SMYD3: variants seen among roughly 807,000 people sequenced by gnomAD.
The protein encoded by SMYD3 is histone-lysine N-methyltransferase SMYD3.
A neutral mutation model predicts 57.7 loss-of-function variants in SMYD3; 36 were observed. The observed-to-expected ratio is 0.62, with a 90% CI of 0.48 to 0.82. The LOEUF (loss-of-function observed/expected upper bound fraction) is 0.82, where lower values mean the gene tolerates loss of function less well. Among genes scored for constraint, SMYD3 ranks in the 40% least tolerant of loss-of-function variants. The pLI is 0.00. For synonymous variants in SMYD3, 211 were observed against 195.0 expected (o/e 1.08, Z -0.68); for missense variants, 515 against 538.8 (o/e 0.96, Z 0.44).
intron 5 of SMYD3, among the ~76,000 whole-genome samples, chr1:246,123,437 G>T (rs1340595823): frequency 6.6e-6 from 1 of 151,952 alleles, no homozygotes; most frequent in Non-Finnish European, 1.5e-5. Flanking sequence ...CATGGTGGTG[G>T]GCACCTGTAG....
intron 10 of SMYD3, among the ~76,000 whole-genome samples, chr1:245,804,905 G>A (rs1309983921): frequency 6.6e-6 from 1 of 152,152 alleles, no homozygotes; most frequent in East Asian, 1.9e-4. Flanking sequence ...CCAGTCTGTG[G>A]TATTTTGTTG....
chr1:245,798,116 T>C (rs996253733), intron 10 of SMYD3, among the ~76,000 whole-genome samples: 1 of 151,822 alleles, frequency 6.6e-6, no homozygotes, highest in South Asian at 2.1e-4. Flanking sequence ...ATGCAACTCT[T>C]GGCTATTACT....
intron 1 of SMYD3, among the ~76,000 whole-genome samples, chr1:246,501,233 G>A (rs2068451730): frequency 6.6e-6 from 1 of 152,194 alleles, no homozygotes; most frequent in Non-Finnish European, 1.5e-5. Context: ...ACAGAGGTAA[G>A]TGCTTCCTTG....
intron 10 of SMYD3, among the ~76,000 whole-genome samples, chr1:245,773,339 C>G (rs1313756771): frequency 6.6e-6 from 1 of 152,210 alleles, no homozygotes; most frequent in Non-Finnish European, 1.5e-5. Context: ...ATGAACCAAA[C>G]TGGGGTTTTG....
intron 5 of SMYD3, among the ~76,000 whole-genome samples, chr1:245,940,079 C>A (rs979111289): frequency 6.6e-6 from 1 of 152,170 alleles, no homozygotes; most frequent in Non-Finnish European, 1.5e-5. Flanking sequence ...TCCTCACCTT[C>A]CCCTCAGGGA....
chr1:246,327,950 T>C (rs1558404193), intron 4 of SMYD3, among the ~76,000 whole-genome samples: 1 of 152,026 alleles, frequency 6.6e-6, no homozygotes, highest in Non-Finnish European at 1.5e-5. Flanking sequence ...CCCCAACACT[T>C]TGGGAGGCCA....
intron 5 of SMYD3, among the ~76,000 whole-genome samples, chr1:245,979,292 G>T (rs946464151): frequency 6.6e-6 from 1 of 152,114 alleles, no homozygotes; most frequent in Non-Finnish European, 1.5e-5. Context: ...CTGTCTAAAG[G>T]TGTCTGTTAT....
chr1:245,938,770 C>T (rs948435812), intron 5 of SMYD3, among the ~76,000 whole-genome samples: 2 of 152,152 alleles, frequency 1.3e-5, no homozygotes, highest in East Asian at 3.8e-4. Flanking sequence ...ATCATGAATA[C>T]ATAAATAGTG....
chr1:246,464,134 C>G (rs1456120226), intron 1 of SMYD3, among the ~76,000 whole-genome samples: 1 of 152,132 alleles, frequency 6.6e-6, no homozygotes, highest in East Asian at 1.9e-4. Flanking sequence ...GGAGAGGGTG[C>G]TCTTTGTTTT....
At chr1:246,185,448 TC>T (rs1167391308) in intron 5 of SMYD3, among the ~76,000 whole-genome samples, 2 of 111,300 alleles carry the variant, frequency 1.8e-5, no homozygotes, top group African/African-American at 4.4e-5. Context: ...TGTTAGTGAT[TC>T]TTTTTTTTTT....
At chr1:246,183,685 C>T (rs2062589257) in intron 5 of SMYD3, among the ~76,000 whole-genome samples, 1 of 151,916 alleles carries the variant, frequency 6.6e-6, no homozygotes, top group Non-Finnish European at 1.5e-5. Context: ...GAAGTAGTAG[C>T]TCAAAAGATT....
intron 1 of SMYD3, among the ~76,000 whole-genome samples, chr1:246,499,612 C>G (rs993949862): frequency 6.6e-6 from 1 of 151,836 alleles, no homozygotes; most frequent in African/African-American, 2.4e-5. Context: ...TGCACCACCA[C>G]ATCTGGCTAA....
At chr1:246,135,969 AT>A (rs1248661667) in intron 5 of SMYD3, among the ~76,000 whole-genome samples, 4 of 152,316 alleles carry the variant, frequency 2.6e-5, no homozygotes, top group East Asian at 1.9e-4. Flanking sequence ...CTTATGCAAA[AT>A]AAGAAAGAAA....
intron 5 of SMYD3, among the ~76,000 whole-genome samples, chr1:246,160,223 T>C (rs1372286566): frequency 6.6e-6 from 1 of 152,194 alleles, no homozygotes; most frequent in Non-Finnish European, 1.5e-5. Context: ...TCACTCACAT[T>C]TATAGGAAGT....
At chr1:245,965,822 C>T (rs911790692) in intron 5 of SMYD3, among the ~76,000 whole-genome samples, 1 of 152,166 alleles carries the variant, frequency 6.6e-6, no homozygotes, top group Non-Finnish European at 1.5e-5. Flanking sequence ...TGCCATTCTA[C>T]ATTTGTGCAA....
intron 5 of SMYD3, among the ~76,000 whole-genome samples, chr1:246,194,434 A>C (rs1400783442): frequency 6.6e-6 from 1 of 151,986 alleles, no homozygotes; most frequent in Non-Finnish European, 1.5e-5. Context: ...ATGCCCGGCT[A>C]ATTTTTGTAT....
intron 5 of SMYD3, among the ~76,000 whole-genome samples, chr1:246,220,858 T>C (rs1427304977): frequency 6.6e-6 from 1 of 152,108 alleles, no homozygotes; most frequent in Non-Finnish European, 1.5e-5. Flanking sequence ...CTGAGCAGAC[T>C]GGGACAACCA....
chr1:246,320,630 TACC>T (rs2065230235), intron 5 of SMYD3, among the ~76,000 whole-genome samples: 1 of 152,194 alleles, frequency 6.6e-6, no homozygotes, highest in Non-Finnish European at 1.5e-5. Flanking sequence ...GTTCAGATTT[TACC>T]ACATTTCTAA....
At chr1:245,872,428 T>G (rs2052254324) in intron 8 of SMYD3, among the ~76,000 whole-genome samples, 1 of 100,830 alleles carries the variant, frequency 9.9e-6, no homozygotes, top group Non-Finnish European at 1.8e-5. Context: ...AGCCCAGAGT[T>G]CCTGCCGCCT....
Sources: allele counts gnomAD v4.1 joint callset (sites outside exome capture counted in the v4.1 genomes callset), GRCh38; gene constraint gnomAD v4.1.1; transcripts MANE v1.5; gene names NCBI Gene and HGNC (gene_info 2026-07-23, HGNC 2026-07-21).